The following FMNL2 variants were observed in gnomAD, a reference collection of about 807,000 sequenced individuals.
FMNL2 encodes the protein formin-like protein 2.
FMNL2 carries 51 observed loss-of-function variants against 130.2 expected under a neutral mutation model. The observed-to-expected ratio is 0.39, with a 90% CI of 0.31 to 0.49. The LOEUF is 0.49. FMNL2 is among the 20% of genes least tolerant of loss of function. The pLI, the probability that FMNL2 is intolerant of heterozygous loss-of-function variation, is 0.85. For synonymous variants in FMNL2, 465 were observed against 467.1 expected (o/e 1.00, Z 0.06); for missense variants, 977 against 1,316.2 (o/e 0.74, Z 3.99).
At chr2:152,340,794 T>A (rs1681756920) in intron 1 of FMNL2, among the ~76,000 whole-genome samples, 1 of 152,118 alleles carries the variant, frequency 6.6e-6, no homozygotes, top group Non-Finnish European at 1.5e-5. Flanking sequence ...CGGGTTCAAG[T>A]GATTCTCCTG....
chr2:152,365,237 A>T (rs1313067484), intron 1 of FMNL2, among the ~76,000 whole-genome samples: 2 of 152,210 alleles, frequency 1.3e-5, no homozygotes, highest in African/African-American at 2.4e-5. Context: ...TGGAGAGTGG[A>T]AGATGAATGT....
At chr2:152,380,175 T>C (rs1363573113) in intron 1 of FMNL2, among the ~76,000 whole-genome samples, 2 of 152,194 alleles carry the variant, frequency 1.3e-5, no homozygotes, top group African/African-American at 4.8e-5. Flanking sequence ...TTAGTTCATC[T>C]TTGTATCTCT....
intron 1 of FMNL2, among the ~76,000 whole-genome samples, chr2:152,479,718 G>GTTT (rs749726414): frequency 7.5e-4 from 72 of 96,634 alleles, no homozygotes; most frequent in Middle Eastern, 5.7e-3. Context: ...GTTGTGGGTT[G>GTTT]TTTTTTTTTT....
At chr2:152,616,221 C>T (rs1397819637) in intron 12 of FMNL2, among the ~76,000 whole-genome samples, 1 of 152,100 alleles carries the variant, frequency 6.6e-6, no homozygotes. Flanking sequence ...TCTCCTGAAG[C>T]CTCAGCCAAC....
At chr2:152,511,614 A>G (rs1173827777) in intron 1 of FMNL2, among the ~76,000 whole-genome samples, 1 of 152,232 alleles carries the variant, frequency 6.6e-6, no homozygotes, top group African/African-American at 2.4e-5. Flanking sequence ...GATCCCCATC[A>G]TAAGATTGAA....
rs151300441 is a variant in FMNL2 at position 152,646,488 on chromosome 2, C to T, written c.3170-1308C>T. Among the ~76,000 whole-genome samples the T allele has an allele frequency of 4.6e-4, 70 of 152,010 alleles. 2 individuals are homozygous for T. The East Asian group carries it at 0.012, about 25-fold the overall frequency. On this transcript the variant is annotated intron_variant, in intron 25 of 25. Transcript: ENST00000288670. ...TTTTTGCTGTGTAGGAACTGGGGCC[C>T]GGTTTTGCCAGATCTTCCAGTTTTT...
In FMNL2 at chr2:152,434,090, A is replaced by C. The variant is rs1448865193; in HGVS notation, c.118-87853A>C. Among the ~76,000 whole-genome samples, 3 of 152,220 alleles carry C rather than the reference A, an allele frequency of 2.0e-5. No individual in the cohort carries two copies. In the South Asian group the frequency reaches 6.2e-4, roughly 31 times the overall value. On this transcript the variant is annotated intron_variant, in intron 1 of 25. Transcript: ENST00000288670. ...GCAAAACTGAGTAGTAGAAAATTTA[A>C]CTGTAATTATTCCATTGAATTTTTT...
intron 1 of FMNL2, among the ~76,000 whole-genome samples, chr2:152,340,552 C>A (rs1681738882): frequency 6.6e-6 from 1 of 152,206 alleles, no homozygotes; most frequent in Non-Finnish European, 1.5e-5. Context: ...TTCAGTTTTT[C>A]TTTTCAAGGC....
chr2:152,515,201 A>C (rs1692699487), intron 1 of FMNL2, among the ~76,000 whole-genome samples: 1 of 152,170 alleles, frequency 6.6e-6, no homozygotes, highest in African/African-American at 2.4e-5. Flanking sequence ...CGTAGCAAAA[A>C]GTAATGGCTC....
chr2:152,545,241 G>C (rs555501783), intron 3 of FMNL2, among the ~76,000 whole-genome samples: 1 of 152,132 alleles, frequency 6.6e-6, no homozygotes, highest in Non-Finnish European at 1.5e-5. Flanking sequence ...GTTAAAATGA[G>C]CTTAAAATTC....
At chr2:152,638,353 A>G (rs924883375) in intron 23 of FMNL2, among the ~76,000 whole-genome samples, 1 of 152,206 alleles carries the variant, frequency 6.6e-6, no homozygotes, top group African/African-American at 2.4e-5. Flanking sequence ...CAACACCTCA[A>G]TCTATATCCT....
At chr2:152,470,664 T>C (rs1386594478) in intron 1 of FMNL2, among the ~76,000 whole-genome samples, 1 of 152,232 alleles carries the variant, frequency 6.6e-6, no homozygotes, top group East Asian at 1.9e-4. Flanking sequence ...AGCCTTCTCA[T>C]ATTGCCACTT....
chr2:152,527,699 A>G (rs531897168), intron 2 of FMNL2, among the ~76,000 whole-genome samples: 2 of 152,244 alleles, frequency 1.3e-5, no homozygotes, highest in East Asian at 1.9e-4. Context: ...TCATGTTTCA[A>G]TCAATGTGAT....
In FMNL2 at chr2:152,591,417, C is replaced by T. The variant is rs570366147; in HGVS notation, c.876+10368C>T. On this transcript the variant is annotated intron_variant, in intron 9 of 25. Transcript: ENST00000288670. ...CCACCTTTTCTTCAAAACTGTGAAACAGAATCAGAACTGTTTGGAATTGCC... is the reference window on the plus strand; with the variant it reads ...CCACCTTTTCTTCAAAACTGTGAAATAGAATCAGAACTGTTTGGAATTGCC... Among the ~76,000 whole-genome samples the T allele has an allele frequency of 2.6e-5, 4 of 152,296 alleles. No homozygotes were observed. The East Asian group carries it at 7.7e-4, about 29-fold the overall frequency.
chr2:152,443,471 A>G (rs934142622), intron 1 of FMNL2, among the ~76,000 whole-genome samples: 4 of 152,178 alleles, frequency 2.6e-5, no homozygotes, highest in African/African-American at 9.7e-5. Flanking sequence ...GAAGAGGAGA[A>G]GGAATTGTTA....
At chr2:152,397,991 G>A (rs1685491605) in intron 1 of FMNL2, among the ~76,000 whole-genome samples, 1 of 152,142 alleles carries the variant, frequency 6.6e-6, no homozygotes. Context: ...TGGGTGTGGT[G>A]GCAGGTGCCT....
intron 1 of FMNL2, among the ~76,000 whole-genome samples, chr2:152,454,810 A>C (rs372174718): frequency 2.4e-4 from 36 of 152,324 alleles, no homozygotes; most frequent in African/African-American, 8.2e-4. Flanking sequence ...AATTGGTCAG[A>C]GAAAGGGCCA....
chr2:152,338,576 A>AC (rs1681608999), intron 1 of FMNL2, among the ~76,000 whole-genome samples: 1 of 152,176 alleles, frequency 6.6e-6, no homozygotes, highest in Non-Finnish European at 1.5e-5. Context: ...AAGACTAATG[A>AC]ATTAAGACTA....
intron 1 of FMNL2, among the ~76,000 whole-genome samples, chr2:152,505,149 A>AT (rs930957916): frequency 1.7e-4 from 26 of 150,006 alleles, no homozygotes; most frequent in Admixed American, 8.7e-4. Context: ...AAGTCAGAAG[A>AT]TTTTTTTTTT....
Sources: allele counts gnomAD v4.1 joint callset (sites outside exome capture counted in the v4.1 genomes callset), GRCh38; gene constraint gnomAD v4.1.1; transcripts MANE v1.5; gene names NCBI Gene and HGNC (gene_info 2026-07-23, HGNC 2026-07-21).